Variants in CNTN6 observed in about 807,000 individuals in gnomAD.
The protein encoded by CNTN6 is contactin-6.
In CNTN6, 137 loss-of-function variants were observed where a neutral mutation model predicts 122.8. That is an observed-to-expected ratio of 1.12 (90% CI 0.97 to 1.29). The LOEUF (loss-of-function observed/expected upper bound fraction) is 1.29, where lower values mean the gene tolerates loss of function less well. Ranked by LOEUF, CNTN6 falls within the 50% of genes most tolerant of loss-of-function variation. The probability of loss-of-function intolerance (pLI) is 0.00; values close to 1 mark genes in which losing one functional copy is unlikely to be tolerated. For missense variants in CNTN6, 1,634 were observed against 1,223.4 expected (o/e 1.34, Z -5.01); for synonymous variants, 570 against 426.0 (o/e 1.34, Z -4.16).
intron 4 of CNTN6, among the ~76,000 whole-genome samples, chr3:1,235,392 T>G (rs538659939): frequency 6.6e-6 from 1 of 151,956 alleles, no homozygotes; most frequent in South Asian, 2.1e-4. Context: ...TTGGTTCAAA[T>G]TACAGTGACA....
chr3:1,242,960 T>C (rs1481403359), intron 4 of CNTN6, among the ~76,000 whole-genome samples: 2 of 152,058 alleles, frequency 1.3e-5, no homozygotes, highest in African/African-American at 2.4e-5. Flanking sequence ...GTGGGTAGCC[T>C]CCGTATTGAT....
intron 12 of CNTN6, among the ~76,000 whole-genome samples, chr3:1,358,275 T>C (rs1389552326): frequency 6.6e-6 from 1 of 152,008 alleles, no homozygotes; most frequent in African/African-American, 2.4e-5. Context: ...TTTTGATCTT[T>C]AGTTTCCTGC....
chr3:1,342,254 G>T (rs1401732986), intron 11 of CNTN6, among the ~76,000 whole-genome samples: 3 of 151,850 alleles, frequency 2.0e-5, no homozygotes, highest in Non-Finnish European at 4.4e-5. Flanking sequence ...ATCAGCCTCT[G>T]GAATAGCTGG....
In CNTN6 at chr3:1,147,365, A is replaced by C. The variant is rs191551304; in HGVS notation, c.-82-562A>C. The stretch of plus-strand genomic sequence containing the variant: ...CATACAGTTCATAATAACTGAGCTT[A>C]ATTGTCAAGATTAATTGTTGAGCTT... On this transcript the variant is annotated intron_variant, in intron 1 of 22. Coordinates refer to ENST00000446702, the MANE Select transcript of CNTN6 (RefSeq NM_001289080.2). Among the ~76,000 whole-genome samples the C allele has an allele frequency of 1.7e-3, 262 of 152,222 alleles. 1 individual carries two copies. Among genetic ancestry groups the C allele is most frequent in the Middle Eastern group, 3.4e-3 (1 of 292 alleles).
chr3:1,120,704 A>G (rs1385617702), intron 1 of CNTN6, among the ~76,000 whole-genome samples: 1 of 151,866 alleles, frequency 6.6e-6, no homozygotes, highest in Admixed American at 6.6e-5. Context: ...TGCTTATCCC[A>G]AGGTCACAAA....
intron 4 of CNTN6, among the ~76,000 whole-genome samples, chr3:1,263,820 G>T (rs2094885285): frequency 6.6e-6 from 1 of 151,902 alleles, no homozygotes; most frequent in Non-Finnish European, 1.5e-5. Flanking sequence ...TGCTGACAGT[G>T]ACTGGGCCTT....
chr3:1,270,965 A>G (rs1158042382), intron 4 of CNTN6, among the ~76,000 whole-genome samples: 1 of 152,154 alleles, frequency 6.6e-6, no homozygotes, highest in Non-Finnish European at 1.5e-5. Flanking sequence ...TGTGGAGTGC[A>G]GTTGTGCGAT....
chr3:1,314,994 G>C (rs895218026), intron 7 of CNTN6, among the ~76,000 whole-genome samples: 30 of 151,940 alleles, frequency 2.0e-4, no homozygotes, highest in African/African-American at 7.0e-4. Flanking sequence ...TTGCATCCAA[G>C]CTCAATTTTT....
intron 2 of CNTN6, among the ~76,000 whole-genome samples, chr3:1,208,591 G>C (rs189975765): frequency 6.6e-6 from 1 of 151,956 alleles, no homozygotes; most frequent in East Asian, 1.9e-4. Context: ...TTTCTTATTG[G>C]CTTCCCTTTC....
chr3:1,393,691 T>C (rs1694581018), intron 20 of CNTN6, among the ~76,000 whole-genome samples: 1 of 151,656 alleles, frequency 6.6e-6, no homozygotes, highest in Non-Finnish European at 1.5e-5. Context: ...CTGACAGACA[T>C]TTTAGTGCAG....
intron 7 of CNTN6, among the ~76,000 whole-genome samples, chr3:1,300,298 A>G (rs1696983600): frequency 6.6e-6 from 1 of 151,958 alleles, no homozygotes; most frequent in Non-Finnish European, 1.5e-5. Flanking sequence ...TTCTGCTTTT[A>G]TATAAGCAAT....
chr3:1,207,633 T>TAAC (rs941410643), intron 2 of CNTN6, among the ~76,000 whole-genome samples: 1 of 152,100 alleles, frequency 6.6e-6, no homozygotes, highest in Non-Finnish European at 1.5e-5. Context: ...CAATCTCATA[T>TAAC]AACTTCTGTT....
At chr3:1,352,280 T>G (rs745787139) in intron 11 of CNTN6, 44 bp from the exon 12 acceptor site, 2 of 1,438,972 alleles carry the variant, frequency 1.4e-6, no homozygotes, top group Admixed American at 2.5e-5. Flanking sequence ...GATTTACCAG[T>G]GTTGAAGAGC....
intron 15 of CNTN6, 60 bp from the exon 16 acceptor site, chr3:1,373,864 T>C: frequency 4.0e-6 from 6 of 1,492,552 alleles, no homozygotes; most frequent in Non-Finnish European, 5.4e-6. Context: ...TATAATTTTG[T>C]ACAATTATTT....
chr3:1,295,933 T>A, intron 6 of CNTN6, 129 bp downstream of exon 6: 1 of 720,278 alleles, frequency 1.4e-6, no homozygotes, highest in Non-Finnish European at 2.3e-6. Flanking sequence ...AATTCACAAA[T>A]ATGTAAACCA....
intron 1 of CNTN6, among the ~76,000 whole-genome samples, chr3:1,130,710 G>A (rs541347589): frequency 6.6e-6 from 1 of 152,162 alleles, no homozygotes; most frequent in East Asian, 1.9e-4. Context: ...CTATTTTGGG[G>A]GGGATCTCAA....
At position 1,248,013 on chromosome 3, in the gene CNTN6, G is replaced by T. The variant is rs559515966; in HGVS notation, c.358+20020G>T. Among the ~76,000 whole-genome samples, 31 of 152,168 alleles carry T rather than the reference G, an allele frequency of 2.0e-4. No individual in the cohort carries two copies. In the South Asian group the frequency reaches 6.2e-3, roughly 31 times the overall value. On this transcript the variant is annotated intron_variant, in intron 4 of 22. Coordinates refer to ENST00000446702, the MANE Select transcript of CNTN6 (RefSeq NM_001289080.2). Reference sequence around the variant, plus strand: ...TTGCTAAATTTGTCAAATTTTAAGTGAATCTACTGCTTATTTTGTTGGTAT... The same window carrying T: ...TTGCTAAATTTGTCAAATTTTAAGTTAATCTACTGCTTATTTTGTTGGTAT...
chr3:1,119,322 C>CGTGTGTGTGTGTGT (rs369235352), intron 1 of CNTN6, among the ~76,000 whole-genome samples: 6,095 of 126,484 alleles, frequency 0.048, 288 homozygotes, highest in African/African-American at 0.082. Flanking sequence ...ACAGAAAAAT[C>CGTGTGTGTGTGTGT]GTGTGTGTGT....
intron 1 of CNTN6, among the ~76,000 whole-genome samples, chr3:1,114,249 G>A (rs2091613239): frequency 6.6e-6 from 1 of 152,154 alleles, no homozygotes; most frequent in Admixed American, 6.6e-5. Flanking sequence ...AACATTAATT[G>A]AAGAATTCTT....
Sources: allele counts gnomAD v4.1 joint callset (sites outside exome capture counted in the v4.1 genomes callset), GRCh38; gene constraint gnomAD v4.1.1; transcripts MANE v1.5; gene names NCBI Gene and HGNC (gene_info 2026-07-23, HGNC 2026-07-21).